ZNF438: variants seen among roughly 807,000 people sequenced by gnomAD.
ZNF438 encodes zinc finger protein 438.
Under a neutral mutation model 38.0 loss-of-function variants are expected in ZNF438, and 25 were observed. The ratio of observed to expected loss-of-function variants is 0.66; its 90% CI spans 0.48 to 0.92. The LOEUF is 0.92. ZNF438 is among the 40% of genes least tolerant of loss of function. The probability of loss-of-function intolerance (pLI) is 0.00; values close to 1 mark genes in which losing one functional copy is unlikely to be tolerated. For synonymous variants in ZNF438, 372 were observed against 364.1 expected, an observed-to-expected ratio of 1.02 and a Z score of -0.25; for missense variants, 1,007 against 999.6, an observed-to-expected ratio of 1.01 and a Z score of -0.10.
At chr10:30,844,923 G>T in exon 6 of ZNF438, 1 of 1,586,396 alleles carries the variant, frequency 6.3e-7, no homozygotes, top group Non-Finnish European at 8.6e-7. Flanking sequence ...GAAGGTGGCG[G>T]CAGAGCTCTC....
intron 3 of ZNF438, among the ~76,000 whole-genome samples, chr10:30,901,431 T>C (rs967580978): frequency 1.3e-5 from 2 of 151,400 alleles, no homozygotes; most frequent in African/African-American, 2.4e-5. Context: ...TTGTTCCTTC[T>C]GATGTTCCGC....
intron 2 of ZNF438, chr10:30,920,120 C>T (rs56143947): frequency 0.083 from 12,659 of 152,262 alleles, 603 homozygotes; most frequent in Non-Finnish European, 0.11. Context: ...CGCATGTACT[C>T]TCTCTCTCCT....
intron 1 of ZNF438, among the ~76,000 whole-genome samples, chr10:30,956,478 C>T (rs2048876640): frequency 6.6e-6 from 1 of 152,132 alleles, no homozygotes; most frequent in Non-Finnish European, 1.5e-5. Context: ...ACTAAAGTCA[C>T]CCTACTGTAC....
At chr10:30,946,088 T>C (rs2047376240) in intron 1 of ZNF438, among the ~76,000 whole-genome samples, 1 of 150,540 alleles carries the variant, frequency 6.6e-6, no homozygotes, top group Non-Finnish European at 1.5e-5. Context: ...TTTTAATGAT[T>C]GCCATTCTAA....
chr10:30,995,798 C>T (rs951287211), intron 1 of ZNF438, among the ~76,000 whole-genome samples: 2 of 152,240 alleles, frequency 1.3e-5, no homozygotes, highest in Middle Eastern at 3.4e-3. Context: ...AGAGCTAACT[C>T]AAATATGCAG....
intron 1 of ZNF438, among the ~76,000 whole-genome samples, chr10:30,976,861 C>T (rs1394876097): frequency 1.3e-5 from 2 of 151,792 alleles, no homozygotes; most frequent in African/African-American, 2.4e-5. Flanking sequence ...TATAGAACTA[C>T]AAATAATTAA....
intron 1 of ZNF438, among the ~76,000 whole-genome samples, chr10:31,025,521 A>T (rs1169390729): frequency 6.6e-6 from 1 of 152,230 alleles, no homozygotes; most frequent in Non-Finnish European, 1.5e-5. Context: ...TGCAGACTGA[A>T]ATTAATAGCT....
intron 1 of ZNF438, among the ~76,000 whole-genome samples, chr10:31,006,778 C>T (rs374917251): frequency 0.01 from 693 of 68,618 alleles, 17 homozygotes; most frequent in African/African-American, 0.048. Flanking sequence ...TGGCGGGGGG[C>T]GGGGGGGGGA....
chr10:31,018,088 A>C (rs2056333647), intron 1 of ZNF438, among the ~76,000 whole-genome samples: 1 of 152,234 alleles, frequency 6.6e-6, no homozygotes, highest in Non-Finnish European at 1.5e-5. Flanking sequence ...CCTTAATTTG[A>C]ACCTTGCCTG....
At chr10:30,987,833 C>T (rs969433883) in intron 1 of ZNF438, among the ~76,000 whole-genome samples, 4 of 152,082 alleles carry the variant, frequency 2.6e-5, no homozygotes, top group African/African-American at 7.2e-5. Context: ...TCCAGCCTTC[C>T]GAACCGGGAG....
chr10:30,898,299 GGA>G (rs1246035505), intron 3 of ZNF438, among the ~76,000 whole-genome samples: 5 of 152,134 alleles, frequency 3.3e-5, no homozygotes, highest in Admixed American at 1.3e-4. Context: ...GTAGATCTAG[GGA>G]GAGAGGTGGT....
At chr10:30,885,725 G>C (rs1002144637) in intron 3 of ZNF438, among the ~76,000 whole-genome samples, 2 of 152,014 alleles carry the variant, frequency 1.3e-5, no homozygotes, top group Non-Finnish European at 2.9e-5. Flanking sequence ...TATAGACAAG[G>C]GTGTTCTGAT....
At chr10:30,983,006 T>C (rs1449810456) in intron 1 of ZNF438, among the ~76,000 whole-genome samples, 1 of 152,146 alleles carries the variant, frequency 6.6e-6, no homozygotes, top group Admixed American at 6.5e-5. Context: ...TGAACAAAAC[T>C]ACACTAACAG....
At chr10:30,909,820 A>G (rs1206662399) in intron 2 of ZNF438, among the ~76,000 whole-genome samples, 2 of 152,212 alleles carry the variant, frequency 1.3e-5, no homozygotes, top group Non-Finnish European at 2.9e-5. Flanking sequence ...ACCACCATGG[A>G]GCCTGAATCT....
chr10:30,888,218 T>C (rs1017620540), intron 3 of ZNF438, among the ~76,000 whole-genome samples: 1 of 152,164 alleles, frequency 6.6e-6, no homozygotes, highest in African/African-American at 2.4e-5. Context: ...TTGTTCTCCA[T>C]AGTGGTTGTA....
chr10:30,844,738 C>T, exon 6 of ZNF438: 1 of 507,996 alleles, frequency 2.0e-6, no homozygotes, highest in Non-Finnish European at 3.4e-6. Context: ...TATTAAGAAT[C>T]AGTACGTATT....
intron 3 of ZNF438, among the ~76,000 whole-genome samples, chr10:30,887,799 C>T (rs1055363501): frequency 6.6e-6 from 1 of 152,128 alleles, no homozygotes. Context: ...AATATCATCT[C>T]AAAAGTCCCC....
chr10:30,956,764 T>C (rs1482782162), intron 1 of ZNF438, among the ~76,000 whole-genome samples: 3 of 152,206 alleles, frequency 2.0e-5, no homozygotes, highest in African/African-American at 7.2e-5. Flanking sequence ...ATATATGACA[T>C]ATTTTATTTA....
chr10:30,861,143 TC>T (rs1554817511), intron 4 of ZNF438, among the ~76,000 whole-genome samples: 2 of 152,098 alleles, frequency 1.3e-5, no homozygotes, highest in Non-Finnish European at 2.9e-5. Flanking sequence ...GACACGCAAA[TC>T]CATAGATGCT....
Sources: allele counts gnomAD v4.1 joint callset (sites outside exome capture counted in the v4.1 genomes callset), GRCh38; gene constraint gnomAD v4.1.1; transcripts MANE v1.5; gene names NCBI Gene and HGNC (gene_info 2026-07-23, HGNC 2026-07-21).